The following ALKBH1 variants were observed in gnomAD, a reference collection of about 807,000 sequenced individuals.
The protein encoded by ALKBH1 is nucleic acid dioxygenase ALKBH1.
In ALKBH1, 31 loss-of-function variants were observed where a neutral mutation model predicts 36.6. The observed-to-expected ratio is 0.85, with a 90% CI of 0.64 to 1.14. ALKBH1 has a LOEUF of 1.14. ALKBH1 is among the 50% of genes most tolerant of loss of function. The probability of loss-of-function intolerance (pLI) is 0.00; values close to 1 mark genes in which losing one functional copy is unlikely to be tolerated. For missense variants in ALKBH1, 490 were observed against 497.3 expected (o/e 0.99, Z 0.14); for synonymous variants, 183 against 186.6 (o/e 0.98, Z 0.16).
At chr14:77,693,567 T>C (rs1408228383) in intron 3 of ALKBH1, among the ~76,000 whole-genome samples, 1 of 152,238 alleles carries the variant, frequency 6.6e-6, no homozygotes, top group East Asian at 1.9e-4. Context: ...GTCTTAAATA[T>C]TGTATCTTTG....
intron 3 of ALKBH1, among the ~76,000 whole-genome samples, chr14:77,694,073 C>T (rs373096774): frequency 6.6e-6 from 1 of 152,196 alleles, no homozygotes; most frequent in African/African-American, 2.4e-5. Context: ...CTCCTCTATG[C>T]TCCCACAGTA....
Position 77,673,103 on chromosome 14 carries a change from A to G in ALKBH1, c.*709T>C, listed in dbSNP as rs938985159. The G allele has an allele frequency of 1.3e-5, 2 of 152,238 alleles. No homozygotes were observed. Among genetic ancestry groups the G allele is most frequent in the African/African-American group, 4.8e-5 (2 of 41,462 alleles). The allele number at this position is 152,238 out of a possible 1,614,324, so 9.4% of individuals were successfully genotyped here. A position where few individuals can be genotyped will look rare whatever the true frequency, so the allele number is the denominator to read the frequency against. ...AAAACAGTAACAAAACACCCTTGGG[A>G]CTTTTTTATTCCAACAATTAAAATT... On this transcript the variant is annotated 3_prime_UTR_variant, in exon 6 of 6. Transcript: ENST00000216489.
rs2080185419 is a variant in ALKBH1 at position 77,673,133 on chromosome 14, T to C, written c.*679A>G. The C allele has an allele frequency of 6.6e-6, 1 of 152,184 alleles. No individual in the cohort carries two copies. The highest frequency in any genetic ancestry group is 2.4e-5 in the African/African-American group (1 of 41,446). The allele number at this position is 152,184 out of a possible 1,614,324, so 9.4% of individuals were successfully genotyped here. ...TTTATTCCAACAATTAAAATTGCAT[T>C]AAAAAGCCAACAGGGAGTTTGGAGA... On this transcript the variant is annotated 3_prime_UTR_variant, in exon 6 of 6. Transcript: ENST00000216489.
At chr14:77,694,530 A>G (rs978343623) in intron 3 of ALKBH1, among the ~76,000 whole-genome samples, 1 of 152,226 alleles carries the variant, frequency 6.6e-6, no homozygotes, top group East Asian at 1.9e-4. Context: ...AGTCTTTAAA[A>G]TGGATCTCAA....
intron 2 of ALKBH1, among the ~76,000 whole-genome samples, chr14:77,699,091 A>G (rs1326054505): frequency 1.3e-5 from 2 of 152,132 alleles, no homozygotes; most frequent in African/African-American, 4.8e-5. Context: ...TCTCTTTAGC[A>G]CTCAATTCTG....
In ALKBH1 at chr14:77,673,206, C is replaced by T. The variant is rs1444783827; in HGVS notation, c.*606G>A. 5 of 152,180 alleles carry T rather than the reference C, an allele frequency of 3.3e-5. No individual in the cohort carries two copies. The highest frequency in any genetic ancestry group is 7.2e-5 in the African/African-American group (3 of 41,426). 9.4% of individuals were successfully genotyped at this position (152,180 alleles called of 1,614,324 possible). A position where few individuals can be genotyped will look rare whatever the true frequency, so the allele number is the denominator to read the frequency against. The stretch of plus-strand genomic sequence containing the variant: ...TAAATTCCCCTTTCCTTGGGTTTAC[C>T]TATATTTATCTTTTAGGCAAGAGAG... On this transcript the variant is annotated 3_prime_UTR_variant, in exon 6 of 6. Transcript: ENST00000216489.
chr14:77,702,755 G>A (rs910034997), intron 2 of ALKBH1, among the ~76,000 whole-genome samples: 2 of 152,096 alleles, frequency 1.3e-5, no homozygotes, highest in South Asian at 2.1e-4. Flanking sequence ...CCAGGCTGGA[G>A]TGCAGTGGCA....
chr14:77,699,783 C>T (rs201156605), intron 2 of ALKBH1, among the ~76,000 whole-genome samples: 110 of 152,232 alleles, frequency 7.2e-4, no homozygotes, highest in East Asian at 9.7e-4. Context: ...TGGCTGGGCG[C>T]GGTGGCTCAT....
intron 3 of ALKBH1, chr14:77,683,147 G>GTA: frequency 2.2e-6 from 1 of 464,716 alleles, no homozygotes; most frequent in Non-Finnish European, 3.8e-6. Flanking sequence ...AAGCTGTAAA[G>GTA]TCTTTTTTTT....
chr14:77,699,773 T>C (rs765318689), intron 2 of ALKBH1, among the ~76,000 whole-genome samples: 8 of 152,134 alleles, frequency 5.3e-5, no homozygotes, highest in Admixed American at 1.3e-4. Context: ...TATTAGGTTC[T>C]GGCTGGGCGC....
intron 3 of ALKBH1, among the ~76,000 whole-genome samples, chr14:77,693,027 G>A (rs1471659681): frequency 6.6e-6 from 1 of 151,580 alleles, no homozygotes; most frequent in East Asian, 1.9e-4. Context: ...ACAACATGGA[G>A]AAACCCCTAC....
chr14:77,680,002 T>C, intron 3 of ALKBH1, 32 bp from the exon 4 acceptor site: 1 of 1,562,840 alleles, frequency 6.4e-7, no homozygotes. Context: ...GAGGAATTAT[T>C]CATGTAAAAT....
chr14:77,688,847 T>C (rs1278889158), intron 3 of ALKBH1, among the ~76,000 whole-genome samples: 5 of 151,968 alleles, frequency 3.3e-5, no homozygotes, highest in African/African-American at 7.2e-5. Context: ...GCTGGGATTA[T>C]AGGTGTGAGC....
chr14:77,673,608 G>T lies in ALKBH1; in HGVS notation c.*204C>A, dbSNP rs902074603. On this transcript the variant is annotated 3_prime_UTR_variant, in exon 6 of 6. Transcript: ENST00000216489. ...TACATTACAGCCAACATGTAACTAG[G>T]AACAGACCATGTCAAACACTTCTCT... 5.1e-6 allele frequency: 3 copies of T among 590,652 alleles called. No individual in the cohort carries two copies. Among genetic ancestry groups the T allele is most frequent in the African/African-American group, 3.7e-5 (2 of 53,722 alleles). The allele number at this position is 590,652 out of a possible 1,614,324, so 36.6% of individuals were successfully genotyped here.
At chr14:77,701,900 T>A (rs955517891) in intron 2 of ALKBH1, among the ~76,000 whole-genome samples, 61 of 152,344 alleles carry the variant, frequency 4.0e-4, no homozygotes, top group African/African-American at 1.4e-3. Context: ...AGAAAGCAAG[T>A]ACAGCAGTTT....
chr14:77,690,929 G>A (rs1398866740), intron 3 of ALKBH1, among the ~76,000 whole-genome samples: 1 of 152,138 alleles, frequency 6.6e-6, no homozygotes, highest in Admixed American at 6.5e-5. Flanking sequence ...TGCCTCCTGA[G>A]TAGCTGGGAT....
At chr14:77,695,058 T>G (rs948955527) in intron 2 of ALKBH1, among the ~76,000 whole-genome samples, 158 bp from the exon 3 acceptor site, 1 of 152,210 alleles carries the variant, frequency 6.6e-6, no homozygotes, top group Non-Finnish European at 1.5e-5. Context: ...TGATGAACAT[T>G]AGACATCTAC....
intron 3 of ALKBH1, among the ~76,000 whole-genome samples, chr14:77,686,409 CA>C (rs1289302665): frequency 6.6e-6 from 1 of 152,078 alleles, no homozygotes; most frequent in East Asian, 1.9e-4. Context: ...TCCAATTATC[CA>C]AAAGAATGTG....
chr14:77,701,287 A>G (rs1036502803), intron 2 of ALKBH1, among the ~76,000 whole-genome samples: 1 of 152,196 alleles, frequency 6.6e-6, no homozygotes, highest in Non-Finnish European at 1.5e-5. Context: ...TTTAATCCTC[A>G]TAAGAACCTT....
Sources: allele counts gnomAD v4.1 joint callset (sites outside exome capture counted in the v4.1 genomes callset), GRCh38; gene constraint gnomAD v4.1.1; transcripts MANE v1.5; gene names NCBI Gene and HGNC (gene_info 2026-07-23, HGNC 2026-07-21).